Variants in RBMS1 observed in about 807,000 individuals in gnomAD.
RBMS1 encodes RNA binding motif single stranded interacting protein 1, also known as RNA-binding motif, single-stranded-interacting protein 1.
Under a neutral mutation model 62.3 loss-of-function variants are expected in RBMS1, and 17 were observed. The ratio of observed to expected loss-of-function variants is 0.27; its 90% CI spans 0.19 to 0.41. The LOEUF (loss-of-function observed/expected upper bound fraction) is 0.41. Among genes scored for constraint, RBMS1 ranks in the 10% least tolerant of loss-of-function variants. RBMS1 has a pLI of 1.00. For synonymous variants in RBMS1, 172 were observed against 170.0 expected, an observed-to-expected ratio of 1.01 and a Z score of -0.09; for missense variants, 334 against 504.5, an observed-to-expected ratio of 0.66 and a Z score of 3.24.
intron 1 of RBMS1, chr2:160,367,638 A>G: frequency 2.1e-6 from 1 of 468,142 alleles, no homozygotes; most frequent in Admixed American, 4.1e-5. Flanking sequence ...AAATTTATGT[A>G]ACATTAATTT....
intron 1 of RBMS1, among the ~76,000 whole-genome samples, chr2:160,406,855 G>A (rs1035710371): frequency 4.6e-5 from 7 of 152,206 alleles, no homozygotes; most frequent in African/African-American, 1.4e-4. Flanking sequence ...AAATAGGAAA[G>A]AGCATGTGTA....
intron 1 of RBMS1, among the ~76,000 whole-genome samples, chr2:160,395,623 C>CAAAAAA (rs776181927): frequency 3.8e-5 from 2 of 53,032 alleles, no homozygotes; most frequent in Non-Finnish European, 8.0e-5. Flanking sequence ...GACTCCGTCT[C>CAAAAAA]AAAAAAAAAA....
intron 1 of RBMS1, among the ~76,000 whole-genome samples, chr2:160,372,358 C>T (rs1389704542): frequency 3.3e-5 from 5 of 152,116 alleles, no homozygotes; most frequent in Admixed American, 6.5e-5. Flanking sequence ...ACCACCACCA[C>T]GACCACCACC....
intron 1 of RBMS1, among the ~76,000 whole-genome samples, chr2:160,478,949 T>C (rs1175514539): frequency 6.6e-6 from 1 of 152,052 alleles, no homozygotes; most frequent in Non-Finnish European, 1.5e-5. Flanking sequence ...CAGAGACCGG[T>C]GTGGAGTGCT....
At chr2:160,304,815 A>G (rs554654773) in intron 4 of RBMS1, among the ~76,000 whole-genome samples, 4 of 152,378 alleles carry the variant, frequency 2.6e-5, no homozygotes, top group Non-Finnish European at 5.9e-5. Flanking sequence ...AAAGGTTTAT[A>G]AAGTAAAAAA....
At chr2:160,358,376 T>C (rs1692924005) in intron 2 of RBMS1, among the ~76,000 whole-genome samples, 1 of 152,172 alleles carries the variant, frequency 6.6e-6, no homozygotes, top group Non-Finnish European at 1.5e-5. Flanking sequence ...CTGCACATCG[T>C]ATAGATCACA....
At chr2:160,422,972 T>C (rs1696492383) in intron 1 of RBMS1, among the ~76,000 whole-genome samples, 1 of 152,322 alleles carries the variant, frequency 6.6e-6, no homozygotes, top group Non-Finnish European at 1.5e-5. Context: ...AATGATAAGG[T>C]AGAGATCATT....
intron 2 of RBMS1, among the ~76,000 whole-genome samples, chr2:160,321,088 C>G (rs1690534617): frequency 4.6e-5 from 7 of 152,032 alleles, no homozygotes; most frequent in Admixed American, 4.6e-4. Context: ...GCCTTCGACA[C>G]TTCTAGTTCT....
At chr2:160,487,697 A>G (rs1685653247) in intron 1 of RBMS1, among the ~76,000 whole-genome samples, 1 of 152,236 alleles carries the variant, frequency 6.6e-6, no homozygotes, top group African/African-American at 2.4e-5. Flanking sequence ...CTAACTGTTC[A>G]TATCAGCATC....
chr2:160,361,211 C>A (rs991519860), intron 2 of RBMS1, among the ~76,000 whole-genome samples: 1 of 152,208 alleles, frequency 6.6e-6, no homozygotes, highest in East Asian at 1.9e-4. Context: ...GTTACTGCTA[C>A]ACTGAGTTAT....
intron 7 of RBMS1, among the ~76,000 whole-genome samples, chr2:160,285,261 T>TA (rs796750881): frequency 1.8e-4 from 27 of 150,158 alleles, no homozygotes; most frequent in African/African-American, 3.7e-4. Context: ...CCCTGTCTCT[T>TA]AAAAAAAAAG....
chr2:160,421,035 A>G (rs1696402092), intron 1 of RBMS1, among the ~76,000 whole-genome samples: 1 of 152,078 alleles, frequency 6.6e-6, no homozygotes, highest in South Asian at 2.1e-4. Flanking sequence ...TTGAAACTCC[A>G]ATGGTTGACC....
chr2:160,465,105 T>A (rs186491762), intron 1 of RBMS1, among the ~76,000 whole-genome samples: 57 of 152,286 alleles, frequency 3.7e-4, no homozygotes, highest in Non-Finnish European at 5.9e-5. Flanking sequence ...TGACAAAAAG[T>A]CAAATAAGCT....
At chr2:160,476,648 G>A (rs1212710347) in intron 1 of RBMS1, among the ~76,000 whole-genome samples, 2 of 142,346 alleles carry the variant, frequency 1.4e-5, no homozygotes, top group East Asian at 2.2e-4. Context: ...TCCGCCTCCC[G>A]GGTTCACGCC....
chr2:160,392,094 C>A (rs1441184329), intron 1 of RBMS1, among the ~76,000 whole-genome samples: 1 of 152,122 alleles, frequency 6.6e-6, no homozygotes, highest in Non-Finnish European at 1.5e-5. Context: ...TAATCCAAAA[C>A]CTTTTAACCA....
intron 2 of RBMS1, among the ~76,000 whole-genome samples, chr2:160,344,645 CTG>C (rs1424427060): frequency 6.6e-6 from 1 of 152,132 alleles, no homozygotes; most frequent in Admixed American, 6.5e-5. Context: ...ACATTTACAA[CTG>C]TGTTCATTTT....
At chr2:160,457,953 T>TTTGTTGTTG (rs60006211) in intron 1 of RBMS1, among the ~76,000 whole-genome samples, 2,922 of 150,550 alleles carry the variant, frequency 0.019, 58 homozygotes, top group Non-Finnish European at 0.027. Context: ...TATTGGTTTG[T>TTTGTTGTTG]TTGTTGTTGT....
intron 1 of RBMS1, among the ~76,000 whole-genome samples, chr2:160,415,300 G>A (rs1403929699): frequency 6.6e-6 from 1 of 152,124 alleles, no homozygotes. Context: ...TAGAGCTGGA[G>A]TTTGATCTTG....
chr2:160,367,612 C>T (rs558468145), intron 1 of RBMS1: 4 of 714,966 alleles, frequency 5.6e-6, no homozygotes, highest in African/African-American at 1.8e-5. Context: ...TCTCTATGTG[C>T]ACCTTAAATG....
Sources: allele counts gnomAD v4.1 joint callset (sites outside exome capture counted in the v4.1 genomes callset), GRCh38; gene constraint gnomAD v4.1.1; transcripts MANE v1.5; gene names NCBI Gene and HGNC (gene_info 2026-07-23, HGNC 2026-07-21).